SLC41A3: variants seen among roughly 807,000 people sequenced by gnomAD.
The protein encoded by SLC41A3 is SLC41A1-like 2.
A neutral mutation model predicts 45.4 loss-of-function variants in SLC41A3; 44 were observed. The observed-to-expected ratio is 0.97, with a 90% confidence interval of 0.76 to 1.25. The LOEUF is 1.25. Ranked by LOEUF, SLC41A3 falls within the 50% of genes most tolerant of loss-of-function variation. The probability of loss-of-function intolerance (pLI) is 0.00; values close to 1 mark genes in which losing one functional copy is unlikely to be tolerated. For missense variants in SLC41A3, 550 were observed against 600.6 expected, an observed-to-expected ratio of 0.92 and a Z score of 0.88; for synonymous variants, 256 against 252.4, an observed-to-expected ratio of 1.01 and a Z score of -0.13.
intron 3 of SLC41A3, among the ~76,000 whole-genome samples, chr3:126,036,501 C>G (rs1220343840): frequency 6.6e-6 from 1 of 152,198 alleles, no homozygotes; most frequent in African/African-American, 2.4e-5. Context: ...GCTACACGCA[C>G]AGCCCCAACC....
intron 1 of SLC41A3, among the ~76,000 whole-genome samples, chr3:126,072,849 G>A (rs1687439968): frequency 6.6e-6 from 1 of 152,166 alleles, no homozygotes; most frequent in African/African-American, 2.4e-5. Flanking sequence ...ATTCACAATA[G>A]CAAAGACACA....
At chr3:126,101,081 C>T (rs1020044336) in intron 1 of SLC41A3, among the ~76,000 whole-genome samples, 1 of 152,238 alleles carries the variant, frequency 6.6e-6, no homozygotes. Flanking sequence ...CGCGGGCAGC[C>T]GCACACCCCT....
At chr3:126,064,960 T>A (rs1944274501) in intron 2 of SLC41A3, among the ~76,000 whole-genome samples, 1 of 152,156 alleles carries the variant, frequency 6.6e-6, no homozygotes, top group South Asian at 2.1e-4. Flanking sequence ...CAGAGAGGGA[T>A]TTCACCCAAG....
At chr3:126,023,780 C>A (rs1396023194) in intron 5 of SLC41A3, 2 of 152,218 alleles carry the variant, frequency 1.3e-5, no homozygotes, top group African/African-American at 4.8e-5. Flanking sequence ...ATCTCCTAGT[C>A]CCCATCCACA....
chr3:126,066,966 C>T (rs966394857), intron 2 of SLC41A3, among the ~76,000 whole-genome samples: 4 of 152,092 alleles, frequency 2.6e-5, no homozygotes, highest in East Asian at 1.9e-4. Flanking sequence ...ATTTCGCCGG[C>T]GTATGGGGCG....
At chr3:126,056,306 G>T in intron 2 of SLC41A3, 1 of 1,583,594 alleles carries the variant, frequency 6.3e-7, no homozygotes, top group South Asian at 1.2e-5. Flanking sequence ...GGTGCCAGGA[G>T]ACCCAGTCTG....
intron 9 of SLC41A3, among the ~76,000 whole-genome samples, chr3:126,011,903 G>A (rs914668904): frequency 3.3e-5 from 5 of 152,090 alleles, no homozygotes; most frequent in African/African-American, 1.2e-4. Context: ...CCAAAACAAT[G>A]TAACAGGAAA....
Position 126,051,052 on chromosome 3 carries a change from T to C in SLC41A3, c.274-2A>G. On this transcript the variant is annotated splice_acceptor_variant, in intron 2 of 10. Transcript: ENST00000360370. LOFTEE classifies it high-confidence loss of function. ...CACCTCCACAAACACAGGCCAGTGC[T>C]GGTAGGGAAACAGTAAGGAGATAAG... The C allele has an allele frequency of 6.3e-7, 1 of 1,596,120 alleles. No individual in the cohort carries two copies.
At chr3:126,059,288 A>AG (rs1943904683) in intron 2 of SLC41A3, among the ~76,000 whole-genome samples, 6 of 111,440 alleles carry the variant, frequency 5.4e-5, no homozygotes, top group East Asian at 2.5e-4. Context: ...GAAAGAAAGA[A>AG]AGAAAGAAAG....
At chr3:126,082,686 T>A (rs1945221480) in intron 1 of SLC41A3, among the ~76,000 whole-genome samples, 1 of 152,198 alleles carries the variant, frequency 6.6e-6, no homozygotes, top group Non-Finnish European at 1.5e-5. Flanking sequence ...CCCTGTGAGG[T>A]TGGCCTTGGA....
At chr3:126,019,187 A>G (rs1293252666) in intron 6 of SLC41A3, among the ~76,000 whole-genome samples, 1 of 152,172 alleles carries the variant, frequency 6.6e-6, no homozygotes, top group African/African-American at 2.4e-5. Context: ...GGAACCGAGC[A>G]TGTAGCTCAG....
chr3:126,028,705 GC>G (rs754244681), intron 4 of SLC41A3, among the ~76,000 whole-genome samples: 4 of 152,230 alleles, frequency 2.6e-5, no homozygotes, highest in Non-Finnish European at 5.9e-5. Context: ...GCCACCATCA[GC>G]CTGGAAAATC....
chr3:126,007,844 A>G lies in SLC41A3; in HGVS notation c.1255-619T>C, dbSNP rs76642743. Among the ~76,000 whole-genome samples, 16 of 152,322 alleles carry G rather than the reference A, an allele frequency of 1.1e-4. No individual in the cohort carries two copies. The East Asian group carries it at 3.1e-3, about 29-fold the overall frequency. ...GTGCCAGTACCAGCACCACACCCAT[A>G]GAATTGCCCTCCAGCGCCCACGGTG... is the stretch of plus-strand genomic sequence containing the variant. On this transcript the variant is annotated intron_variant, in intron 10 of 10. Transcript: ENST00000360370.
chr3:126,068,324 T>C, intron 1 of SLC41A3, 78 bp from the exon 2 acceptor site: 1 of 1,351,136 alleles, frequency 7.4e-7, no homozygotes, highest in Non-Finnish European at 9.7e-7. Flanking sequence ...CTCAGGCACC[T>C]GTCCAGCCCC....
intron 4 of SLC41A3, among the ~76,000 whole-genome samples, chr3:126,029,935 G>T (rs557071422): frequency 6.6e-6 from 1 of 152,126 alleles, no homozygotes; most frequent in South Asian, 2.1e-4. Context: ...GCAGGATAAA[G>T]GTGGCATTGC....
chr3:126,071,172 A>G (rs1944599507), intron 1 of SLC41A3, among the ~76,000 whole-genome samples: 1 of 152,224 alleles, frequency 6.6e-6, no homozygotes. Context: ...CATTAAGTAT[A>G]AATGGATAGG....
intron 2 of SLC41A3, among the ~76,000 whole-genome samples, chr3:126,052,967 G>C (rs1473641414): frequency 6.6e-6 from 1 of 152,238 alleles, no homozygotes; most frequent in Non-Finnish European, 1.5e-5. Flanking sequence ...GACGGCGGGG[G>C]AAGCTGAATC....
chr3:126,076,356 T>G (rs979434609), intron 1 of SLC41A3, among the ~76,000 whole-genome samples: 2 of 152,216 alleles, frequency 1.3e-5, no homozygotes, highest in Admixed American at 6.5e-5. Flanking sequence ...TTTTTACAGC[T>G]GGGTAATATT....
At chr3:126,039,146 C>T (rs921631741) in intron 3 of SLC41A3, among the ~76,000 whole-genome samples, 1 of 152,190 alleles carries the variant, frequency 6.6e-6, no homozygotes, top group East Asian at 1.9e-4. Flanking sequence ...CCAAATAAAC[C>T]TCTTTTCTTT....
Sources: gnomAD v4.1 joint callset for allele counts (sites outside exome capture counted in the v4.1 genomes callset) on GRCh38, gnomAD v4.1.1 for gene constraint, MANE v1.5 for transcripts, NCBI Gene and HGNC (gene_info 2026-07-23, HGNC 2026-07-21) for gene names.